The following PRDM16 variants were observed in gnomAD, a reference collection of about 807,000 sequenced individuals.
The protein encoded by PRDM16 is histone-lysine N-methyltransferase PRDM16.
In PRDM16, 23 loss-of-function variants were observed where a neutral mutation model predicts 110.6. The ratio of observed to expected loss-of-function variants is 0.21; its 90% CI spans 0.15 to 0.29. The LOEUF (loss-of-function observed/expected upper bound fraction) is 0.29, where lower values mean the gene tolerates loss of function less well. Among genes scored for constraint, PRDM16 ranks in the 10% least tolerant of loss-of-function variants. PRDM16 has a pLI of 1.00. For missense variants in PRDM16, 1,615 were observed against 1,794.3 expected, an observed-to-expected ratio of 0.90 and a Z score of 1.81; for synonymous variants, 799 against 781.8, an observed-to-expected ratio of 1.02 and a Z score of -0.37.
chr1:3,258,501 C>T (rs1640095603), intron 3 of PRDM16, among the ~76,000 whole-genome samples: 1 of 152,334 alleles, frequency 6.6e-6, no homozygotes, highest in South Asian at 2.1e-4. Flanking sequence ...GAAACTGTTT[C>T]TTCTTGCCCA....
Position 3,303,285 on chromosome 1 carries a change from C to A in PRDM16, c.438+59148C>A, listed in dbSNP as rs150864480. Among the ~76,000 whole-genome samples, 121 of 152,080 alleles carry A rather than the reference C, an allele frequency of 8.0e-4. 1 individual carries two copies. The highest frequency in any genetic ancestry group is 2.6e-3 in the African/African-American group (106 of 41,482). ...TGTCCTCTCTGTCTCTGTGGATTTG[C>A]CTCTTCCAGACATTTCCTGTAAGTG... is the stretch of plus-strand genomic sequence containing the variant. On this transcript the variant is annotated intron_variant, in intron 3 of 16. Transcript: ENST00000270722.
At chr1:3,249,723 G>C (rs1639882086) in intron 3 of PRDM16, among the ~76,000 whole-genome samples, 1 of 152,228 alleles carries the variant, frequency 6.6e-6, no homozygotes, top group Non-Finnish European at 1.5e-5. Context: ...CTTCGTCGCA[G>C]TAAGCCGCGG....
At chr1:3,253,364 C>T (rs1189530946) in intron 3 of PRDM16, among the ~76,000 whole-genome samples, 1 of 122,872 alleles carries the variant, frequency 8.1e-6, no homozygotes, top group Non-Finnish European at 1.7e-5. Flanking sequence ...CCCCCTCCCC[C>T]CACCCCACAA....
At chr1:3,236,091 A>C (rs1187188704) in intron 2 of PRDM16, among the ~76,000 whole-genome samples, 1 of 151,778 alleles carries the variant, frequency 6.6e-6, no homozygotes, top group East Asian at 1.9e-4. Flanking sequence ...TGCAGGCGCC[A>C]CCCTCCCCAG....
intron 3 of PRDM16, among the ~76,000 whole-genome samples, chr1:3,366,335 C>T (rs1291536609): frequency 1.3e-5 from 2 of 152,366 alleles, no homozygotes; most frequent in South Asian, 4.1e-4. Context: ...GACGGGAAGG[C>T]ACGCACTCTC....
intron 4 of PRDM16, among the ~76,000 whole-genome samples, chr1:3,391,270 T>C (rs767587199): frequency 6.6e-5 from 10 of 152,186 alleles, no homozygotes; most frequent in Non-Finnish European, 1.3e-4. Context: ...CGGTATTTCA[T>C]AACCAGCTTA....
intron 3 of PRDM16, among the ~76,000 whole-genome samples, chr1:3,312,615 G>A (rs919256131): frequency 5.9e-5 from 9 of 152,248 alleles, no homozygotes; most frequent in African/African-American, 2.2e-4. Context: ...CCGGTGAGGG[G>A]CTTTCGGAAA....
intron 3 of PRDM16, among the ~76,000 whole-genome samples, chr1:3,321,368 G>A (rs1238066897): frequency 7.2e-6 from 1 of 139,160 alleles, no homozygotes. Flanking sequence ...GTGTGACTAT[G>A]TGCATTTGTG....
intron 16 of PRDM16, 67 bp downstream of exon 16, chr1:3,432,207 C>A: frequency 6.9e-7 from 1 of 1,455,626 alleles, no homozygotes; most frequent in Non-Finnish European, 9.5e-7. Context: ...AGCCAGCACT[C>A]CTCTCCCGCC....
chr1:3,179,105 G>T (rs1188035296), intron 1 of PRDM16, among the ~76,000 whole-genome samples: 1 of 152,206 alleles, frequency 6.6e-6, no homozygotes, highest in Non-Finnish European at 1.5e-5. Flanking sequence ...CCCCATCCAG[G>T]GCTCTCCCCG....
intron 1 of PRDM16, among the ~76,000 whole-genome samples, chr1:3,098,205 C>T (rs1042402720): frequency 2.0e-5 from 3 of 152,166 alleles, no homozygotes; most frequent in African/African-American, 7.2e-5. Context: ...CCTCCAGGCT[C>T]ATGGGGCTGG....
At chr1:3,303,662 C>G (rs943542121) in intron 3 of PRDM16, among the ~76,000 whole-genome samples, 1 of 152,220 alleles carries the variant, frequency 6.6e-6, no homozygotes. Context: ...GCGGCTGCAC[C>G]GGTTCACATT....
intron 3 of PRDM16, among the ~76,000 whole-genome samples, chr1:3,372,091 G>T (rs2100579785): frequency 6.6e-6 from 1 of 152,350 alleles, no homozygotes; most frequent in Admixed American, 6.5e-5. Context: ...GAGAGGGCCT[G>T]AGGGTGACCA....
At chr1:3,380,119 A>G (rs1181532631) in intron 3 of PRDM16, among the ~76,000 whole-genome samples, 3 of 143,492 alleles carry the variant, frequency 2.1e-5, no homozygotes, top group Non-Finnish European at 4.6e-5. Context: ...CTCCCCGTGC[A>G]CCCTCTCCTA....
intron 14 of PRDM16, among the ~76,000 whole-genome samples, chr1:3,426,533 G>A (rs1638611922): frequency 6.6e-6 from 1 of 152,174 alleles, no homozygotes; most frequent in South Asian, 2.1e-4. Flanking sequence ...GTTCAGCTGT[G>A]CCGCTGACAC....
At chr1:3,092,657 T>A (rs1306332338) in intron 1 of PRDM16, among the ~76,000 whole-genome samples, 1 of 152,146 alleles carries the variant, frequency 6.6e-6, no homozygotes, top group East Asian at 1.9e-4. Context: ...TCTGCACAAC[T>A]TCGTGCTGGA....
At chr1:3,160,442 G>A (rs1643888747) in intron 1 of PRDM16, among the ~76,000 whole-genome samples, 1 of 152,160 alleles carries the variant, frequency 6.6e-6, no homozygotes, top group Admixed American at 6.5e-5. Context: ...GGGCATTCCT[G>A]GGTGCCACCG....
At chr1:3,406,543 A>C (rs1202395578) in intron 8 of PRDM16, among the ~76,000 whole-genome samples, 2 of 152,022 alleles carry the variant, frequency 1.3e-5, no homozygotes, top group Non-Finnish European at 2.9e-5. Context: ...CAGCCTGAGC[A>C]ATGTAGCAAG....
At chr1:3,129,761 G>A (rs1031678436) in intron 1 of PRDM16, among the ~76,000 whole-genome samples, 1 of 152,132 alleles carries the variant, frequency 6.6e-6, no homozygotes, top group Non-Finnish European at 1.5e-5. Flanking sequence ...AAAGAGAATT[G>A]GGGTTTCAGA....
Sources: allele counts gnomAD v4.1 joint callset (sites outside exome capture counted in the v4.1 genomes callset), GRCh38; gene constraint gnomAD v4.1.1; transcripts MANE v1.5; gene names NCBI Gene and HGNC (gene_info 2026-07-23, HGNC 2026-07-21).